Variants in DGKB observed in about 807,000 individuals in gnomAD.
DGKB encodes the protein 90 kDa diacylglycerol kinase.
Under a neutral mutation model 114.3 loss-of-function variants are expected in DGKB, and 67 were observed. The observed-to-expected ratio is 0.59, with a 90% CI of 0.48 to 0.72. DGKB has a LOEUF of 0.72. Ranked by LOEUF, DGKB falls within the 30% of genes least tolerant of loss-of-function variation. DGKB has a pLI of 0.00. For missense variants in DGKB, 907 were observed against 975.2 expected (o/e 0.93, Z 0.93); for synonymous variants, 398 against 323.1 (o/e 1.23, Z -2.49).
chr7:14,351,663 A>G (rs921759710), intron 21 of DGKB, among the ~76,000 whole-genome samples: 9 of 152,320 alleles, frequency 5.9e-5, no homozygotes, highest in Admixed American at 2.0e-4. Flanking sequence ...AAAGTATGTA[A>G]TAGTGGCATG....
chr7:14,459,921 G>C lies in DGKB; in HGVS notation c.1835+18240C>G, dbSNP rs369259844. ...CTCTCTGCAGAAACCCTACAAGCCA[G>C]AAGAGAGAGGGGGGCCAATAATCAA... On this transcript the variant is annotated intron_variant, in intron 21 of 25. Coordinates refer to ENST00000402815, the MANE Select transcript of DGKB (RefSeq NM_001350709.2). Among the ~76,000 whole-genome samples the C allele has an allele frequency of 1.1e-3, 164 of 152,246 alleles. 6 individuals carry two copies. In the South Asian group the frequency reaches 0.032, roughly 30 times the overall value.
chr7:14,742,025 GAAC>G (rs1171678221), intron 4 of DGKB, among the ~76,000 whole-genome samples: 19 of 152,188 alleles, frequency 1.2e-4, no homozygotes, highest in African/African-American at 4.6e-4. Flanking sequence ...CACTCTTAAT[GAAC>G]TCATGAGAGA....
rs150387495 is a variant in DGKB, at chr7:14,689,197, TTA to T, written c.712-3837_712-3836del. 5.6e-3 allele frequency among the ~76,000 whole-genome samples: 665 copies of T among 119,046 alleles called. 11 individuals carry two copies. Among genetic ancestry groups the T allele is most frequent in the African/African-American group, 0.023 (627 of 27,664 alleles). 78.1% of individuals were successfully genotyped at this position (119,046 alleles called of 152,430 possible). On this transcript the variant is annotated intron_variant, in intron 9 of 25. Coordinates refer to ENST00000402815, the MANE Select transcript of DGKB (RefSeq NM_001350709.2). ...TATGACAATGTGACAGAAACTCCTC[TTA>T]TTTTTTTTTTTTTTTTTTTTTTTTT...
intron 9 of DGKB, among the ~76,000 whole-genome samples, chr7:14,686,178 TA>T (rs1350078475): frequency 1.3e-5 from 2 of 152,172 alleles, no homozygotes; most frequent in Non-Finnish European, 2.9e-5. Flanking sequence ...CAAAACACTT[TA>T]TTTTTTTCTC....
chr7:14,793,565 T>C (rs17288255), intron 2 of DGKB, among the ~76,000 whole-genome samples: 9,418 of 152,230 alleles, frequency 0.062, 379 homozygotes, highest in South Asian at 0.091. Context: ...ATATTTTCTG[T>C]AATTAATACT....
intron 6 of DGKB, among the ~76,000 whole-genome samples, chr7:14,702,741 G>C (rs1383590180): frequency 5.3e-5 from 8 of 152,084 alleles, no homozygotes; most frequent in East Asian, 1.9e-4. Flanking sequence ...TTACTAAGCA[G>C]CATAATTATA....
At chr7:14,651,208 A>C (rs1814407725) in intron 13 of DGKB, among the ~76,000 whole-genome samples, 1 of 152,234 alleles carries the variant, frequency 6.6e-6, no homozygotes, top group South Asian at 2.1e-4. Flanking sequence ...AGAGAATTTT[A>C]GACCAATATC....
intron 23 of DGKB, among the ~76,000 whole-genome samples, chr7:14,317,351 G>C (rs941071281): frequency 7.8e-6 from 1 of 128,678 alleles, no homozygotes; most frequent in East Asian, 2.3e-4. Flanking sequence ...AATTGTCCCC[G>C]TTTGCAGACG....
chr7:14,537,150 T>C (rs1406864568), intron 20 of DGKB, among the ~76,000 whole-genome samples: 1 of 151,914 alleles, frequency 6.6e-6, no homozygotes, highest in Non-Finnish European at 1.5e-5. Context: ...TTTAAAACCC[T>C]CATAAAAGAA....
chr7:14,551,898 AT>A (rs1429136080), intron 20 of DGKB, among the ~76,000 whole-genome samples: 3 of 151,912 alleles, frequency 2.0e-5, no homozygotes, highest in East Asian at 1.9e-4. Flanking sequence ...TGAGTCTTAA[AT>A]TTTTTTTCTT....
chr7:14,548,163 T>C (rs1016616181), intron 20 of DGKB, among the ~76,000 whole-genome samples: 2 of 152,178 alleles, frequency 1.3e-5, no homozygotes, highest in African/African-American at 4.8e-5. Context: ...TTGAATACTG[T>C]AGAATATTTA....
At chr7:14,551,866 G>T (rs888742962) in intron 20 of DGKB, among the ~76,000 whole-genome samples, 19 of 151,874 alleles carry the variant, frequency 1.3e-4, no homozygotes, top group African/African-American at 4.1e-4. Context: ...TATTACTATT[G>T]TTACTGCAAT....
intron 20 of DGKB, among the ~76,000 whole-genome samples, chr7:14,514,397 A>T (rs1788446579): frequency 6.6e-6 from 1 of 152,162 alleles, no homozygotes; most frequent in Non-Finnish European, 1.5e-5. Context: ...GACTTTCCTC[A>T]AAGCTACTTA....
At chr7:14,817,123 G>A (rs985868002) in intron 2 of DGKB, among the ~76,000 whole-genome samples, 12 of 152,076 alleles carry the variant, frequency 7.9e-5, no homozygotes, top group Admixed American at 7.9e-4. Context: ...TCCATCTCCA[G>A]GTTATTTTGA....
At chr7:14,883,034 T>C (rs1301197802) in intron 1 of DGKB, among the ~76,000 whole-genome samples, 1 of 151,878 alleles carries the variant, frequency 6.6e-6, no homozygotes, top group Non-Finnish European at 1.5e-5. Flanking sequence ...TGGCTGAAGA[T>C]TTAAGAAGAA....
intron 1 of DGKB, among the ~76,000 whole-genome samples, chr7:14,885,192 TC>T (rs1386033675): frequency 6.6e-6 from 1 of 151,904 alleles, no homozygotes; most frequent in Non-Finnish European, 1.5e-5. Context: ...GGAGAGAATA[TC>T]TACATGTAAC....
chr7:14,861,615 C>T (rs1192759254), intron 1 of DGKB, among the ~76,000 whole-genome samples: 3 of 151,912 alleles, frequency 2.0e-5, no homozygotes, highest in Non-Finnish European at 2.9e-5. Flanking sequence ...TTAAAGCACT[C>T]CCTTTCACAC....
intron 20 of DGKB, among the ~76,000 whole-genome samples, chr7:14,534,744 C>T (rs1792148814): frequency 6.6e-6 from 1 of 152,064 alleles, no homozygotes; most frequent in Non-Finnish European, 1.5e-5. Flanking sequence ...AAGTAGAATA[C>T]ATTTTCTTTT....
chr7:14,570,927 A>G (rs528202306), intron 20 of DGKB, among the ~76,000 whole-genome samples: 1 of 152,204 alleles, frequency 6.6e-6, no homozygotes. Context: ...CAACCTCGAC[A>G]CTATTGACAT....
Sources: allele counts gnomAD v4.1 joint callset (sites outside exome capture counted in the v4.1 genomes callset), GRCh38; gene constraint gnomAD v4.1.1; transcripts MANE v1.5; gene names NCBI Gene and HGNC (gene_info 2026-07-23, HGNC 2026-07-21).